Variants in AP4E1 observed in about 807,000 individuals in gnomAD.
AP4E1 encodes AP-4 complex subunit epsilon-1.
A neutral mutation model predicts 128.2 loss-of-function variants in AP4E1; 56 were observed. The observed-to-expected ratio is 0.44, with a 90% CI of 0.35 to 0.55. AP4E1 has a LOEUF of 0.55. Ranked by LOEUF, AP4E1 falls within the 20% of genes least tolerant of loss-of-function variation. The probability of loss-of-function intolerance (pLI) is 0.00; values close to 1 mark genes in which losing one functional copy is unlikely to be tolerated. For synonymous variants in AP4E1, 484 were observed against 473.1 expected, an observed-to-expected ratio of 1.02 and a Z score of -0.30; for missense variants, 1,324 against 1,307.7, an observed-to-expected ratio of 1.01 and a Z score of -0.19.
intron 4 of AP4E1, 74 bp downstream of exon 4, chr15:50,924,078 C>T: frequency 8.0e-7 from 1 of 1,244,104 alleles, no homozygotes. Flanking sequence ...CGATCATATT[C>T]AACTAGATGA....
At chr15:50,939,194 C>T (rs1052259931) in intron 8 of AP4E1, among the ~76,000 whole-genome samples, 2 of 152,044 alleles carry the variant, frequency 1.3e-5, no homozygotes, top group Non-Finnish European at 2.9e-5. Flanking sequence ...CAGTTGTGGC[C>T]GGGCAAGGTG....
chr15:50,917,454 C>T (rs1368697120), intron 3 of AP4E1, among the ~76,000 whole-genome samples: 1 of 152,058 alleles, frequency 6.6e-6, no homozygotes. Context: ...TCTCTTATTC[C>T]CTTTACATAT....
upstream of AP4E1, among the ~76,000 whole-genome samples, chr15:50,908,185 C>T (rs1320585585): frequency 6.6e-6 from 1 of 152,208 alleles, no homozygotes; most frequent in Non-Finnish European, 1.5e-5. Context: ...CTCAACCTGG[C>T]ACGCCGAATC....
intron 16 of AP4E1, among the ~76,000 whole-genome samples, chr15:50,990,180 A>G (rs564965872): frequency 7.9e-5 from 12 of 152,168 alleles, no homozygotes; most frequent in African/African-American, 2.9e-4. Context: ...CACCGTAGAA[A>G]ACCATGTATT....
intron 16 of AP4E1, among the ~76,000 whole-genome samples, chr15:50,989,845 G>A (rs189479838): frequency 6.6e-6 from 1 of 152,128 alleles, no homozygotes; most frequent in Non-Finnish European, 1.5e-5. Context: ...ATATCCTGCA[G>A]TATTGTGAAA....
rs778002264 is a variant in AP4E1, at chr15:50,999,283, TAATTC to T, written c.3095+24_3095+28del. On this transcript the variant is annotated intron_variant, in intron 19 of 20. Transcript: ENST00000261842. ...ATTAGGTAAATGTTTTGTGAAATGTTAATTCAAGTTGTTAATTCACCAACTATTTT... is the reference window on the plus strand; with the variant it reads ...ATTAGGTAAATGTTTTGTGAAATGTTAAGTTGTTAATTCACCAACTATTTT... The T allele has an allele frequency of 1.1e-4, 173 of 1,592,668 alleles. 1 individual carries two copies. In the African/African-American group the frequency reaches 2.3e-3, roughly 21 times the overall value.
At chr15:50,987,814 A>G (rs1403054720) in intron 16 of AP4E1, among the ~76,000 whole-genome samples, 1 of 152,186 alleles carries the variant, frequency 6.6e-6, no homozygotes, top group Non-Finnish European at 1.5e-5. Flanking sequence ...GCTAAATTGT[A>G]TGGGCTGTTG....
intron 1 of AP4E1, among the ~76,000 whole-genome samples, chr15:50,911,042 A>T (rs551494288): frequency 6.6e-6 from 1 of 152,366 alleles, no homozygotes; most frequent in East Asian, 1.9e-4. Context: ...AAAATTTTTT[A>T]AAAAGTTATT....
chr15:50,974,225 C>T (rs2064520977), intron 15 of AP4E1, among the ~76,000 whole-genome samples: 1 of 150,452 alleles, frequency 6.6e-6, no homozygotes. Context: ...CTTGGCTTCC[C>T]AAAGTGCTGG....
chr15:50,993,723 G>A (rs919799806), intron 17 of AP4E1, 98 bp downstream of exon 17: 1 of 1,457,180 alleles, frequency 6.9e-7, no homozygotes, highest in East Asian at 2.3e-5. Flanking sequence ...TATATGTATA[G>A]TGAAAAGTGG....
chr15:50,977,253 A>G (rs1227312424), intron 15 of AP4E1, among the ~76,000 whole-genome samples: 6 of 152,130 alleles, frequency 3.9e-5, no homozygotes, highest in Non-Finnish European at 8.8e-5. Context: ...ACTGAAGTCA[A>G]GGGTTGGATA....
intron 16 of AP4E1, among the ~76,000 whole-genome samples, chr15:50,986,083 G>A (rs2064719059): frequency 6.6e-6 from 1 of 152,050 alleles, no homozygotes; most frequent in Non-Finnish European, 1.5e-5. Flanking sequence ...ATTGTGAATG[G>A]GAGTTCACTC....
intron 6 of AP4E1, among the ~76,000 whole-genome samples, chr15:50,929,701 A>G (rs2063808712): frequency 6.6e-6 from 1 of 152,166 alleles, no homozygotes; most frequent in Admixed American, 6.5e-5. Context: ...CATATTTGTA[A>G]CAGATTTCAT....
intron 15 of AP4E1, among the ~76,000 whole-genome samples, chr15:50,978,001 G>A (rs928235915): frequency 7.2e-5 from 11 of 152,234 alleles, no homozygotes; most frequent in Middle Eastern, 3.4e-3. Context: ...AAGCCACCAT[G>A]CCAGCCTGTT....
At chr15:50,969,555 A>C (rs1190137246) in intron 15 of AP4E1, among the ~76,000 whole-genome samples, 2 of 152,148 alleles carry the variant, frequency 1.3e-5, no homozygotes, top group Non-Finnish European at 2.9e-5. Context: ...CATGGGGAAT[A>C]TAGTGATGTT....
At chr15:50,938,499 A>G (rs2063938972) in intron 8 of AP4E1, among the ~76,000 whole-genome samples, 2 of 152,134 alleles carry the variant, frequency 1.3e-5, no homozygotes, top group South Asian at 4.1e-4. Context: ...ACAGAAGCCC[A>G]AGAGACAGCT....
At chr15:50,963,562 G>A (rs971265730) in intron 14 of AP4E1, among the ~76,000 whole-genome samples, 1 of 152,192 alleles carries the variant, frequency 6.6e-6, no homozygotes. Context: ...AAGCTGGGAA[G>A]GGTCGGGGGG....
rs1015267140 is a variant in AP4E1 at position 50,928,887 on chromosome 15, A to C, written c.543-122A>C. 1.1e-5 allele frequency: 10 copies of C among 927,448 alleles called. No individual in the cohort carries two copies. The African/African-American group carries it at 1.3e-4, about 12-fold the overall frequency. 57.5% of individuals were successfully genotyped at this position (927,448 alleles called of 1,614,324 possible). On this transcript the variant is annotated intron_variant, in intron 5 of 20. Coordinates refer to ENST00000261842, the MANE Select transcript of AP4E1 (RefSeq NM_007347.5). ...ATAAATTAATCACAAATGTATAGTT[A>C]TCTCTTTCTTTGTAAATTAAGGTAA...
intron 5 of AP4E1, among the ~76,000 whole-genome samples, chr15:50,926,989 T>C (rs1308980734): frequency 6.6e-6 from 1 of 152,242 alleles, no homozygotes; most frequent in Non-Finnish European, 1.5e-5. Context: ...TTTCAGACTT[T>C]TTATGTATTG....
Sources: gnomAD v4.1 joint callset for allele counts (sites outside exome capture counted in the v4.1 genomes callset) on GRCh38, gnomAD v4.1.1 for gene constraint, MANE v1.5 for transcripts, NCBI Gene and HGNC (gene_info 2026-07-23, HGNC 2026-07-21) for gene names.